UBE2O: variants seen among roughly 807,000 people sequenced by gnomAD.
UBE2O encodes the protein (E3-independent) E2 ubiquitin-conjugating enzyme.
In UBE2O, 15 loss-of-function variants were observed where a neutral mutation model predicts 125.8. The observed-to-expected ratio is 0.12, with a 90% confidence interval of 0.08 to 0.18. The LOEUF is 0.18. Ranked by LOEUF, UBE2O falls within the 10% of genes least tolerant of loss-of-function variation. The probability of loss-of-function intolerance (pLI) is 1.00; values close to 1 mark genes in which losing one functional copy is unlikely to be tolerated. For missense variants in UBE2O, 1,280 were observed against 1,723.6 expected (o/e 0.74, Z 4.56); for synonymous variants, 708 against 703.2 (o/e 1.01, Z -0.11).
intron 1 of UBE2O, among the ~76,000 whole-genome samples, chr17:76,425,362 G>A (rs1247334430): frequency 1.3e-5 from 2 of 149,416 alleles, no homozygotes; most frequent in Non-Finnish European, 3.0e-5. Flanking sequence ...GCATGCCTAA[G>A]TTAAAAAAAA....
At chr17:76,434,425 T>C (rs1391543859) in intron 1 of UBE2O, among the ~76,000 whole-genome samples, 1 of 152,050 alleles carries the variant, frequency 6.6e-6, no homozygotes, top group African/African-American at 2.4e-5. Flanking sequence ...ACCCTGGAAA[T>C]CACAGGGCAC....
At chr17:76,422,052 A>G (rs1194717412) in intron 1 of UBE2O, among the ~76,000 whole-genome samples, 1 of 152,200 alleles carries the variant, frequency 6.6e-6, no homozygotes, top group African/African-American at 2.4e-5. Context: ...AGGGACAACC[A>G]AGCCACAGGA....
At position 76,396,276 on chromosome 17, in the gene UBE2O, G is replaced by A. The variant is rs34371138; in HGVS notation, c.2661C>T (p.Arg887=). The A allele has an allele frequency of 1.9e-6, 3 of 1,614,092 alleles. No individual in the cohort carries two copies. Among genetic ancestry groups the A allele is most frequent in the African/African-American group, 1.3e-5 (1 of 74,934 alleles). ...ACTGCCCCTCGGGCTTGTCCTCCTTGCGCTCTACGTCGGGCACTGCTTCCA... is the reference window on the plus strand; with the variant it reads ...ACTGCCCCTCGGGCTTGTCCTCCTTACGCTCTACGTCGGGCACTGCTTCCA... ...EKMEAVPDVE[R]KEDKPEGQSP... is the part of the protein sequence containing the mutation. Residue 887 remains arginine, a synonymous_variant, in exon 14 of 18, where the codon CGC becomes CGT. Coordinates refer to ENST00000319380, the MANE Select transcript of UBE2O (RefSeq NM_022066.4). The surrounding 1 kb of genome is among the most constrained non-coding windows in gnomAD (Gnocchi z 6.7).
chr17:76,390,890 C>G lies in UBE2O; in HGVS notation c.*53G>C. 6.6e-7 allele frequency: 1 copy of G among 1,521,116 alleles called. No individual in the cohort carries two copies. The highest frequency in any genetic ancestry group is 1.3e-5 in the South Asian group (1 of 78,098). The allele number at this position is 1,521,116 out of a possible 1,614,324, so 94.2% of individuals were successfully genotyped here. The stretch of plus-strand genomic sequence containing the variant: ...AGGGGTGATTCCGGGGGGGAGTGAG[C>G]AGGCGGCGGCTGGCCTCTCCCACGG... On this transcript the variant is annotated 3_prime_UTR_variant, in exon 18 of 18. Transcript: ENST00000319380.
At position 76,396,667 on chromosome 17, in the gene UBE2O, T is replaced by C. The variant is rs957375549; in HGVS notation, c.2270A>G (p.Glu757Gly). The C allele has an allele frequency of 2.5e-6, 4 of 1,613,474 alleles. No homozygotes were observed. Among genetic ancestry groups the C allele is most frequent in the Non-Finnish European group, 3.4e-6 (4 of 1,179,980 alleles). ...LVEDEHPKIE[E>G]PPIPPLEQPV... The stretch of plus-strand genomic sequence containing the variant: ...CTGCTCCAGGGGTGGGATGGGGGGC[T>C]CCTCTATCTTGGGGTGCTCGTCCTC... The change falls in exon 14 of 18, where the codon GAG (glutamate) becomes GGG (glycine). Residue 757 changes from glutamate to glycine, a missense_variant. This residue lies in a region of UBE2O where 210 missense variants were observed against 268.9 expected (regional missense o/e 0.78). Transcript: ENST00000319380. The surrounding 1 kb of genome is among the most constrained non-coding windows in gnomAD (Gnocchi z 6.7).
chr17:76,427,615 G>C (rs1308089320), intron 1 of UBE2O, among the ~76,000 whole-genome samples: 1 of 152,154 alleles, frequency 6.6e-6, no homozygotes, highest in Non-Finnish European at 1.5e-5. Context: ...GAAAAGTTCT[G>C]CCTTTGTTCT....
At position 76,398,373 on chromosome 17, in the gene UBE2O, T is replaced by C. The variant is rs1440488846; in HGVS notation, c.1907A>G (p.Glu636Gly). The change falls in exon 12 of 18, where the codon GAA (glutamate) becomes GGA (glycine). Residue 636 changes from glutamate (E) to glycine (G), a missense_variant. Physicochemically the swap from Glu to Gly is moderately conservative, Grantham distance 98. Transcript: ENST00000319380. This position sits in a 1 kb window ranked among gnomAD's most constrained non-coding sequence, Gnocchi z 5.4. Reference sequence around the variant, plus strand: ...GTCGTAAACACTCACATCTTCCTCTTCTCCAATCAGCTGTGGCACAGGACA... The same window carrying C: ...GTCGTAAACACTCACATCTTCCTCTCCTCCAATCAGCTGTGGCACAGGACA... ...PSGDDVELIG[E>G]EEDVSVYDIA... 1 of 1,613,994 alleles carries C rather than the reference T, an allele frequency of 6.2e-7. No individual in the cohort carries two copies. Among genetic ancestry groups the C allele is most frequent in the Non-Finnish European group, 8.5e-7 (1 of 1,179,986 alleles).
chr17:76,429,991 T>C lies in UBE2O; in HGVS notation c.417+22734A>G, dbSNP rs548581786. On this transcript the variant is annotated intron_variant, in intron 1 of 17. Transcript: ENST00000319380. ...TGACTTGGGAAGTTTCATCCCTCCCTATACAGACTGTCAACTAATCATAAT... is the reference window on the plus strand; with the variant it reads ...TGACTTGGGAAGTTTCATCCCTCCCCATACAGACTGTCAACTAATCATAAT... Among the ~76,000 whole-genome samples the C allele has an allele frequency of 3.9e-4, 60 of 152,370 alleles. 1 individual carries two copies. The highest frequency in any genetic ancestry group is 1.2e-3 in the African/African-American group (49 of 41,592).
intron 1 of UBE2O, among the ~76,000 whole-genome samples, chr17:76,423,725 T>TAAATAAATAAATAAATAAATAAAA (rs1407680083): frequency 0.011 from 1,564 of 148,788 alleles, 15 homozygotes; most frequent in Non-Finnish European, 0.017. Context: ...AATAAATAAA[T>TAAATAAATAAATAAATAAATAAAA]AAAAAATAAG....
rs2072305921 is a variant in UBE2O, at chr17:76,400,644, G to GA, written c.895-95dup. ...AAAGCCCACTTGACCTCCAGAGCAG[G>GA]AAACTGATCTTCCTAGTGCAGCACC... On this transcript the variant is annotated intron_variant, in intron 6 of 17. Transcript: ENST00000319380. The surrounding 1 kb of genome is among the most constrained non-coding windows in gnomAD (Gnocchi z 4.3). 2 of 813,814 alleles carry GA rather than the reference G, an allele frequency of 2.5e-6. No individual in the cohort carries two copies. Among genetic ancestry groups the GA allele is most frequent in the African/African-American group, 1.7e-5 (1 of 58,504 alleles). The allele number at this position is 813,814 out of a possible 1,614,324, so 50.4% of individuals were successfully genotyped here. A position where few individuals can be genotyped will look rare whatever the true frequency, so the allele number is the denominator to read the frequency against.
intron 1 of UBE2O, among the ~76,000 whole-genome samples, chr17:76,435,566 C>G (rs2072983420): frequency 6.6e-6 from 1 of 152,146 alleles, no homozygotes. Context: ...AGACGCAGAG[C>G]TAAATTATCC....
At position 76,410,980 on chromosome 17, in the gene UBE2O, C is replaced by A. The variant is rs1433479048; in HGVS notation, c.418-5408G>T. On this transcript the variant is annotated intron_variant, in intron 1 of 17. Transcript: ENST00000319380. The surrounding 1 kb of genome is among the most constrained non-coding windows in gnomAD (Gnocchi z 4.0). Reference sequence around the variant, plus strand: ...ATAGAAAACACAAACTGAGGCTGATCAACATGTTGAAAATACAAAGACGCT... The same window carrying A: ...ATAGAAAACACAAACTGAGGCTGATAAACATGTTGAAAATACAAAGACGCT... 7.8e-6 allele frequency among the ~76,000 whole-genome samples: 1 copy of A among 128,564 alleles called. No homozygotes were observed. Among genetic ancestry groups the A allele is most frequent in the Non-Finnish European group, 1.6e-5 (1 of 63,930 alleles). 84.3% of individuals were successfully genotyped at this position (128,564 alleles called of 152,430 possible).
intron 1 of UBE2O, among the ~76,000 whole-genome samples, chr17:76,422,144 G>A (rs535645972): frequency 1.3e-3 from 200 of 152,294 alleles, no homozygotes; most frequent in African/African-American, 4.5e-3. Flanking sequence ...ACCCCAAAAT[G>A]CTAGTTCTCG....
chr17:76,396,816 C>T lies in UBE2O; in HGVS notation c.2121G>A (p.Leu707=), dbSNP rs2072218033. The change falls in exon 14 of 18, where the codon TTG becomes TTA. Residue 707 remains leucine, a synonymous_variant. Transcript: ENST00000319380. This position sits in a 1 kb window ranked among gnomAD's most constrained non-coding sequence, Gnocchi z 6.7. Reference sequence around the variant, plus strand: ...CCTCAATCTCAGACTCTATGTTGTACAAGTGCTGGGGGCAGAAGGGAAGTG... The same window carrying T: ...CCTCAATCTCAGACTCTATGTTGTATAAGTGCTGGGGGCAGAAGGGAAGTG... ...NSKTIILPQH[L]YNIESEIEES... 2 of 1,587,354 alleles carry T rather than the reference C, an allele frequency of 1.3e-6. No individual in the cohort carries two copies. The highest frequency in any genetic ancestry group is 1.2e-5 in the South Asian group (1 of 86,348).
At chr17:76,426,519 A>G (rs1481231021) in intron 1 of UBE2O, among the ~76,000 whole-genome samples, 1 of 152,234 alleles carries the variant, frequency 6.6e-6, no homozygotes, top group South Asian at 2.1e-4. Flanking sequence ...TTTTAGACAA[A>G]TGACCTAGTT....
intron 1 of UBE2O, among the ~76,000 whole-genome samples, chr17:76,440,895 G>C (rs1160461522): frequency 6.6e-6 from 1 of 152,202 alleles, no homozygotes; most frequent in Non-Finnish European, 1.5e-5. Flanking sequence ...CAGAAAGTTT[G>C]GCTGGCCCCT....
At chr17:76,441,065 T>C (rs2073070077) in intron 1 of UBE2O, among the ~76,000 whole-genome samples, 1 of 152,210 alleles carries the variant, frequency 6.6e-6, no homozygotes. Context: ...TATGTGGCCT[T>C]GGTGAGTTAT....
intron 1 of UBE2O, among the ~76,000 whole-genome samples, chr17:76,408,221 G>A (rs2072456743): frequency 6.6e-6 from 1 of 152,130 alleles, no homozygotes; most frequent in African/African-American, 2.4e-5. Context: ...CAGTGCCCCC[G>A]TCAGGAAGGA....
chr17:76,395,617 C>T lies in UBE2O; in HGVS notation c.2946+108G>A, dbSNP rs565101643. 31 of 1,396,568 alleles carry T rather than the reference C, an allele frequency of 2.2e-5. No homozygotes were observed. The highest frequency in any genetic ancestry group is 8.6e-5 in the African/African-American group (6 of 69,474). 86.5% of individuals were successfully genotyped at this position (1,396,568 alleles called of 1,614,324 possible). ...TAAAAGGTGGGTGGGTGAGTGTCCT[C>T]GCAGGTGCCAGTCAGCCCCGGAGGT... On this transcript the variant is annotated intron_variant, in intron 15 of 17. Coordinates refer to ENST00000319380, the MANE Select transcript of UBE2O (RefSeq NM_022066.4). This position sits in a 1 kb window ranked among gnomAD's most constrained non-coding sequence, Gnocchi z 5.0.
Sources: gnomAD v4.1 joint callset for allele counts (sites outside exome capture counted in the v4.1 genomes callset) on GRCh38, gnomAD v4.1.1 for gene constraint, gnomAD v4.1.1 regional missense constraint, Gnocchi (gnomAD v3.1) non-coding constraint, MANE v1.5 for transcripts, NCBI Gene and HGNC (gene_info 2026-07-23, HGNC 2026-07-21) for gene names.